NUDT5: variants seen among roughly 807,000 people sequenced by gnomAD.
The protein encoded by NUDT5 is ADP-sugar pyrophosphatase.
Under a neutral mutation model 34.1 loss-of-function variants are expected in NUDT5, and 21 were observed. The ratio of observed to expected loss-of-function variants is 0.62; its 90% CI spans 0.44 to 0.89. NUDT5 has a LOEUF of 0.89. Among genes scored for constraint, NUDT5 ranks in the 40% least tolerant of loss-of-function variants. The probability of loss-of-function intolerance (pLI) is 0.00; values close to 1 mark genes in which losing one functional copy is unlikely to be tolerated. For missense variants in NUDT5, 249 were observed against 274.8 expected, an observed-to-expected ratio of 0.91 and a Z score of 0.66; for synonymous variants, 85 against 97.6, an observed-to-expected ratio of 0.87 and a Z score of 0.76.
At chr10:12,192,099 A>G (rs977208281) in intron 1 of NUDT5, among the ~76,000 whole-genome samples, 1 of 152,214 alleles carries the variant, frequency 6.6e-6, no homozygotes, top group Non-Finnish European at 1.5e-5. Context: ...AGCCCACATC[A>G]TAAGTAGAGC....
intron 5 of NUDT5, among the ~76,000 whole-genome samples, chr10:12,176,323 G>A (rs993696734): frequency 1.3e-5 from 2 of 152,176 alleles, no homozygotes; most frequent in African/African-American, 4.8e-5. Flanking sequence ...TAAAACTTTG[G>A]CTGGGTGTGG....
chr10:12,181,003 G>A lies in NUDT5; in HGVS notation c.132-1871C>T, dbSNP rs1389139998. Among the ~76,000 whole-genome samples the A allele has an allele frequency of 2.0e-5, 3 of 152,144 alleles. No homozygotes were observed. Among genetic ancestry groups the A allele is most frequent in the Non-Finnish European group, 2.9e-5 (2 of 68,020 alleles). On this transcript the variant is annotated intron_variant, in intron 3 of 9. Coordinates refer to ENST00000491614, the MANE Select transcript of NUDT5 (RefSeq NM_014142.4). This position sits in a 1 kb window ranked among gnomAD's most constrained non-coding sequence, Gnocchi z 5.0. ...ACCCCACATCCCCTTTCATGAATGA[G>A]ACGGTGGAACATAGGATTCTCTAGC...
At position 12,170,774 on chromosome 10, in the gene NUDT5, A is replaced by C; in HGVS notation, c.497-4T>G. The C allele has an allele frequency of 6.2e-7, 1 of 1,614,146 alleles. No individual in the cohort carries two copies. The highest frequency in any genetic ancestry group is 8.5e-7 in the Non-Finnish European group (1 of 1,180,010). On this transcript the variant is annotated splice_polypyrimidine_tract_variant and splice_region_variant and intron_variant, in intron 8 of 9. Coordinates refer to ENST00000491614, the MANE Select transcript of NUDT5 (RefSeq NM_014142.4). The surrounding 1 kb of genome is among the most constrained non-coding windows in gnomAD (Gnocchi z 4.9). ...AAAGAAATGACTTCCACAAACTCTA[A>C]ACAGACAAAGTGCAAGTGAAAACAA...
intron 3 of NUDT5, among the ~76,000 whole-genome samples, chr10:12,183,255 T>G (rs1254805157): frequency 6.6e-6 from 1 of 152,256 alleles, no homozygotes; most frequent in Non-Finnish European, 1.5e-5. Flanking sequence ...TTTGTACATT[T>G]AGTTTTCCAT....
Position 12,170,217 on chromosome 10 carries a change from C to T in NUDT5, c.550+500G>A. 1.9e-6 allele frequency: 3 copies of T among 1,608,506 alleles called. No homozygotes were observed. The highest frequency in any genetic ancestry group is 1.7e-6 in the Non-Finnish European group (2 of 1,175,978). On this transcript the variant is annotated intron_variant, in intron 9 of 9. Coordinates refer to ENST00000491614, the MANE Select transcript of NUDT5 (RefSeq NM_014142.4). This position sits in a 1 kb window ranked among gnomAD's most constrained non-coding sequence, Gnocchi z 4.9. ...CTACATGACCAGTGATTTCTAAGGGCCACACAGCTGGTTTGGTTTATTATG... is the reference window on the plus strand; with the variant it reads ...CTACATGACCAGTGATTTCTAAGGGTCACACAGCTGGTTTGGTTTATTATG...
Position 12,181,674 on chromosome 10 carries a change from G to A in NUDT5, c.132-2542C>T, listed in dbSNP as rs745591978. ...GGAGTACCTGCAGAGGGAAGTCGCC[G>A]TGTGCGTGCAAAGGATATATCGGGC... On this transcript the variant is annotated intron_variant, in intron 3 of 9. Transcript: ENST00000491614. This position sits in a 1 kb window ranked among gnomAD's most constrained non-coding sequence, Gnocchi z 5.0. 3.3e-5 allele frequency among the ~76,000 whole-genome samples: 5 copies of A among 151,988 alleles called. No homozygotes were observed. Among genetic ancestry groups the A allele is most frequent in the Admixed American group, 6.6e-5 (1 of 15,252 alleles).
intron 1 of NUDT5, among the ~76,000 whole-genome samples, chr10:12,186,978 A>C (rs1835141230): frequency 6.6e-6 from 1 of 152,140 alleles, no homozygotes; most frequent in African/African-American, 2.4e-5. Context: ...GACAGAAGAA[A>C]GATTTACCAC....
chr10:12,195,006 C>T (rs150397279), intron 1 of NUDT5, among the ~76,000 whole-genome samples: 4,473 of 152,174 alleles, frequency 0.029, 178 homozygotes, highest in African/African-American at 0.082. Context: ...CTACTAAAAA[C>T]ACAAAAATTA....
At chr10:12,174,964 CAG>C (rs1050503735) in intron 5 of NUDT5, among the ~76,000 whole-genome samples, 12 of 152,086 alleles carry the variant, frequency 7.9e-5, no homozygotes, top group African/African-American at 2.2e-4. Flanking sequence ...GAGGAGTGAA[CAG>C]AGAGGCCAAG....
At chr10:12,195,389 G>A (rs1052355862) in intron 1 of NUDT5, among the ~76,000 whole-genome samples, 2 of 152,154 alleles carry the variant, frequency 1.3e-5, no homozygotes, top group African/African-American at 4.8e-5. Flanking sequence ...GCGCTCCAAG[G>A]AGACTCCTCT....
intron 5 of NUDT5, among the ~76,000 whole-genome samples, chr10:12,177,285 C>T (rs753006610): frequency 2.0e-5 from 3 of 152,058 alleles, no homozygotes; most frequent in African/African-American, 4.8e-5. Flanking sequence ...TTTGCGAGGC[C>T]AAGGCAGGCA....
rs1277596000 is a variant in NUDT5 at position 12,173,119 on chromosome 10, A to G, written c.386-253T>C. Among the ~76,000 whole-genome samples, 1 of 152,238 alleles carries G rather than the reference A, an allele frequency of 6.6e-6. No individual in the cohort carries two copies. The highest frequency in any genetic ancestry group is 1.5e-5 in the Non-Finnish European group (1 of 68,040). Reference sequence around the variant, plus strand: ...TGTCAAGTCATAAAATCCCTTCACCACATCAAACTCAAAAAAATCTTCCAG... The same window carrying G: ...TGTCAAGTCATAAAATCCCTTCACCGCATCAAACTCAAAAAAATCTTCCAG... On this transcript the variant is annotated intron_variant, in intron 6 of 9. Coordinates refer to ENST00000491614, the MANE Select transcript of NUDT5 (RefSeq NM_014142.4). This position sits in a 1 kb window ranked among gnomAD's most constrained non-coding sequence, Gnocchi z 4.7.
At chr10:12,179,048 C>G in intron 4 of NUDT5, 35 bp downstream of exon 4, 1 of 1,589,320 alleles carries the variant, frequency 6.3e-7, no homozygotes, top group Non-Finnish European at 8.6e-7. Context: ...TGCTAACTTC[C>G]TTTCTAAAGG....
chr10:12,194,639 T>C (rs1157926635), intron 1 of NUDT5, among the ~76,000 whole-genome samples: 2 of 152,206 alleles, frequency 1.3e-5, no homozygotes, highest in Admixed American at 6.5e-5. Context: ...CCCAAAACAA[T>C]GTATATATTC....
chr10:12,191,269 G>T (rs900231845), intron 1 of NUDT5, among the ~76,000 whole-genome samples: 1 of 152,050 alleles, frequency 6.6e-6, no homozygotes, highest in Non-Finnish European at 1.5e-5. Context: ...TGTAGTCCGG[G>T]CTACTCAGGA....
chr10:12,193,694 T>C (rs1043229965), intron 1 of NUDT5, among the ~76,000 whole-genome samples: 1 of 152,210 alleles, frequency 6.6e-6, no homozygotes, highest in African/African-American at 2.4e-5. Flanking sequence ...TAAAACCAAC[T>C]GTAATACCAA....
In NUDT5 at chr10:12,165,640, T is replaced by A. The variant is rs1397234628; in HGVS notation, c.*2062A>T. The A allele has an allele frequency of 6.6e-6, 1 of 152,340 alleles. No homozygotes were observed. Among genetic ancestry groups the A allele is most frequent in the East Asian group, 1.9e-4 (1 of 5,194 alleles). 9.4% of individuals were successfully genotyped at this position (152,340 alleles called of 1,614,324 possible). On this transcript the variant is annotated 3_prime_UTR_variant, in exon 10 of 10. Coordinates refer to ENST00000491614, the MANE Select transcript of NUDT5 (RefSeq NM_014142.4). ...CAGTCTCCATTTGAAAGAGCATAGA[T>A]CTTGGTAAATCATTTTGAAAACTAT...
At chr10:12,191,288 C>G (rs1051856357) in intron 1 of NUDT5, among the ~76,000 whole-genome samples, 1 of 152,040 alleles carries the variant, frequency 6.6e-6, no homozygotes, top group Non-Finnish European at 1.5e-5. Context: ...GAGGCTGAGG[C>G]AGGAGAATGG....
rs1231100972 is a variant in NUDT5 at position 12,168,296 on chromosome 10, T to A, written c.551-485A>T. On this transcript the variant is annotated intron_variant, in intron 9 of 9. Transcript: ENST00000491614. The surrounding 1 kb of genome is among the most constrained non-coding windows in gnomAD (Gnocchi z 4.8). ...GCCTCAGCCTCCCAAAGTGCTGGGA[T>A]TACAGGCGTGAGCTACCGCACCCAG... Among the ~76,000 whole-genome samples, 1 of 152,222 alleles carries A rather than the reference T, an allele frequency of 6.6e-6. No individual in the cohort carries two copies. The highest frequency in any genetic ancestry group is 1.9e-4 in the East Asian group (1 of 5,198).
Sources: allele counts gnomAD v4.1 joint callset (sites outside exome capture counted in the v4.1 genomes callset), GRCh38; gene constraint gnomAD v4.1.1; non-coding constraint Gnocchi (gnomAD v3.1); transcripts MANE v1.5; gene names NCBI Gene and HGNC (gene_info 2026-07-23, HGNC 2026-07-21).